The following ABHD2 variants were observed in gnomAD, a reference collection of about 807,000 sequenced individuals.
The protein encoded by ABHD2 is abhydrolase domain containing 2, acylglycerol lipase.
ABHD2 carries 20 observed loss-of-function variants against 48.1 expected under a neutral mutation model. The observed-to-expected ratio is 0.42, with a 90% CI of 0.29 to 0.60. ABHD2 has a LOEUF of 0.60. Ranked by LOEUF, ABHD2 falls within the 20% of genes least tolerant of loss-of-function variation. ABHD2 has a pLI of 0.24. For missense variants in ABHD2, 405 were observed against 550.9 expected, an observed-to-expected ratio of 0.74 and a Z score of 2.65; for synonymous variants, 209 against 214.2, an observed-to-expected ratio of 0.98 and a Z score of 0.21.
At chr15:89,111,466 G>A (rs1329193852) in intron 1 of ABHD2, among the ~76,000 whole-genome samples, 1 of 152,200 alleles carries the variant, frequency 6.6e-6, no homozygotes, top group Non-Finnish European at 1.5e-5. Flanking sequence ...CCATTAAGTT[G>A]TCAAGAATTC....
chr15:89,083,483 C>T (rs867546173), upstream of ABHD2, among the ~76,000 whole-genome samples: 9 of 152,084 alleles, frequency 5.9e-5, no homozygotes, highest in African/African-American at 9.7e-5. The surrounding 1 kb of genome is among the most constrained non-coding windows in gnomAD (Gnocchi z 5.1). Context: ...TGTGTGTGCG[C>T]GCGTGCACGT....
intron 3 of ABHD2, among the ~76,000 whole-genome samples, chr15:89,129,907 A>G (rs1466012676): frequency 6.6e-6 from 1 of 152,342 alleles, no homozygotes; most frequent in South Asian, 2.1e-4. Flanking sequence ...ATTATCAGCT[A>G]GATCAGTTGT....
At chr15:89,043,178 G>C in the ABHD2 span, among the ~76,000 whole-genome samples, 2 of 152,338 alleles carry the variant, frequency 1.3e-5, no homozygotes, top group African/African-American at 2.4e-5. Context: ...ACAGACAGAA[G>C]TAAGACATAC....
At position 89,185,332 on chromosome 15, in the gene ABHD2, A is replaced by G. The variant is rs761234656; in HGVS notation, c.723-92A>G. On this transcript the variant is annotated intron_variant, in intron 6 of 10. Transcript: ENST00000352732. This position sits in a 1 kb window ranked among gnomAD's most constrained non-coding sequence, Gnocchi z 5.9. ...CAGCCTGAGAGCCGGCCCTCTCCAC[A>G]CAAGCACCTCACCCCATGGCTAGAG... is the stretch of plus-strand genomic sequence containing the variant. 1.3e-4 allele frequency: 123 copies of G among 945,732 alleles called. No homozygotes were observed. The highest frequency in any genetic ancestry group is 1.9e-4 in the Non-Finnish European group (112 of 599,144). 58.6% of individuals were successfully genotyped at this position (945,732 alleles called of 1,614,324 possible).
At chr15:89,183,743 C>G (rs1462866145) in intron 6 of ABHD2, among the ~76,000 whole-genome samples, 1 of 152,170 alleles carries the variant, frequency 6.6e-6, no homozygotes, top group Non-Finnish European at 1.5e-5. Flanking sequence ...CCTCCCTTCC[C>G]TACCTCTGCA....
rs751525960 is a variant in ABHD2, at chr15:89,155,881, C to T, written c.538+347C>T. Among the ~76,000 whole-genome samples, 4 of 152,102 alleles carry T rather than the reference C, an allele frequency of 2.6e-5. No individual in the cohort carries two copies. The highest frequency in any genetic ancestry group is 1.3e-4 in the Admixed American group (2 of 15,268). On this transcript the variant is annotated intron_variant, in intron 5 of 10. Transcript: ENST00000352732. This position sits in a 1 kb window ranked among gnomAD's most constrained non-coding sequence, Gnocchi z 4.9. ...TTCAGGACTGTGCTGTTCTGATGCT[C>T]GTTCCTCAGGACTCTTGTGACTGAC...
Position 89,091,102 on chromosome 15 carries a change from G to A in ABHD2, c.-107+2539G>A, listed in dbSNP as rs145933512. Among the ~76,000 whole-genome samples the A allele has an allele frequency of 6.6e-6, 1 of 152,292 alleles. No individual in the cohort carries two copies. The highest frequency in any genetic ancestry group is 1.9e-4 in the East Asian group (1 of 5,190). On this transcript the variant is annotated intron_variant, in intron 1 of 10. Transcript: ENST00000352732. This position sits in a 1 kb window ranked among gnomAD's most constrained non-coding sequence, Gnocchi z 5.5. ...GGTCTTTTTCCTCTCATTTTAGTCA[G>A]GGTCGTTCACTTTTTTCCCTTTTTA...
chr15:89,137,111 C>CT lies in ABHD2; in HGVS notation c.195-14565dup, dbSNP rs2050327220. Among the ~76,000 whole-genome samples, 4 of 152,294 alleles carry CT rather than the reference C, an allele frequency of 2.6e-5. 1 individual carries two copies. In the South Asian group the frequency reaches 8.3e-4, roughly 32 times the overall value. On this transcript the variant is annotated intron_variant, in intron 3 of 10. Transcript: ENST00000352732. This position sits in a 1 kb window ranked among gnomAD's most constrained non-coding sequence, Gnocchi z 4.8. Reference sequence around the variant, plus strand: ...ACTGGCTGTTTGCAGGACCAGTTCTCTAACGGATCCAGGGTTCCAGTGGAA... The same window carrying CT: ...ACTGGCTGTTTGCAGGACCAGTTCTCTTAACGGATCCAGGGTTCCAGTGGAA...
At position 89,195,905 on chromosome 15, in the gene ABHD2, C is replaced by A. The variant is rs1318905286; in HGVS notation, c.*482C>A. 1 of 152,836 alleles carries A rather than the reference C, an allele frequency of 6.5e-6. No homozygotes were observed. Among genetic ancestry groups the A allele is most frequent in the East Asian group, 1.9e-4 (1 of 5,194 alleles). The allele number at this position is 152,836 out of a possible 1,614,324, so 9.5% of individuals were successfully genotyped here. On this transcript the variant is annotated 3_prime_UTR_variant, in exon 11 of 11. Coordinates refer to ENST00000352732, the MANE Select transcript of ABHD2 (RefSeq NM_152924.5). This position sits in a 1 kb window ranked among gnomAD's most constrained non-coding sequence, Gnocchi z 5.1. ...AGCTCCGCTTGGGAGCCTGAGAACC[C>A]AGGCTTCCCAGGCCAGAGTGTGGCT...
the ABHD2 span, among the ~76,000 whole-genome samples, chr15:89,058,086 T>C: frequency 5.3e-5 from 8 of 152,300 alleles, no homozygotes; most frequent in African/African-American, 1.9e-4. Flanking sequence ...TGATAAACCC[T>C]TAAATGAAGT....
the ABHD2 span, among the ~76,000 whole-genome samples, chr15:89,042,722 C>T: frequency 6.6e-6 from 1 of 151,934 alleles, no homozygotes; most frequent in Non-Finnish European, 1.5e-5. Context: ...TCTTGGCTCA[C>T]TCTAGCCTCT....
chr15:89,049,515 A>C, the ABHD2 span, among the ~76,000 whole-genome samples: 14 of 152,224 alleles, frequency 9.2e-5, no homozygotes, highest in African/African-American at 3.4e-4. Context: ...GTTTGATCTC[A>C]GACTGCTGTG....
At chr15:89,135,248 C>G (rs2050288128) in intron 3 of ABHD2, among the ~76,000 whole-genome samples, 2 of 150,206 alleles carry the variant, frequency 1.3e-5, no homozygotes, top group African/African-American at 4.9e-5. Flanking sequence ...CTACCATCCC[C>G]ATATATAACT....
At chr15:89,118,667 A>G (rs191658462) in intron 3 of ABHD2, among the ~76,000 whole-genome samples, 10 of 152,282 alleles carry the variant, frequency 6.6e-5, no homozygotes, top group East Asian at 5.8e-4. Context: ...TCCACCCAGC[A>G]TTGGTTCCTG....
At chr15:89,142,991 G>A (rs2050429750) in intron 3 of ABHD2, among the ~76,000 whole-genome samples, 2 of 152,088 alleles carry the variant, frequency 1.3e-5, no homozygotes, top group African/African-American at 2.4e-5. Context: ...GAGCCAATTC[G>A]ATTCCATGAT....
intron 1 of ABHD2, among the ~76,000 whole-genome samples, chr15:89,109,006 A>G (rs1173118960): frequency 6.6e-6 from 1 of 152,226 alleles, no homozygotes; most frequent in Non-Finnish European, 1.5e-5. Context: ...TTAGGGCCCA[A>G]AAAGATTAAG....
At chr15:89,115,976 C>A (rs2049953814) in intron 2 of ABHD2, among the ~76,000 whole-genome samples, 1 of 152,234 alleles carries the variant, frequency 6.6e-6, no homozygotes, top group African/African-American at 2.4e-5. Flanking sequence ...AGTCCTGCAG[C>A]CACCTCTTCG....
At chr15:89,190,727 G>A (rs2051289785) in intron 8 of ABHD2, among the ~76,000 whole-genome samples, 1 of 152,204 alleles carries the variant, frequency 6.6e-6, no homozygotes. Flanking sequence ...GGAAGGCCCT[G>A]TCTTCAGATT....
At chr15:89,101,997 G>A (rs1423539835) in intron 1 of ABHD2, among the ~76,000 whole-genome samples, 1 of 152,174 alleles carries the variant, frequency 6.6e-6, no homozygotes, top group Non-Finnish European at 1.5e-5. Flanking sequence ...CAGCACCTGT[G>A]TAGCGTCATT....
Sources: allele counts gnomAD v4.1 joint callset (sites outside exome capture counted in the v4.1 genomes callset), GRCh38; gene constraint gnomAD v4.1.1; non-coding constraint Gnocchi (gnomAD v3.1); transcripts MANE v1.5; gene names NCBI Gene and HGNC (gene_info 2026-07-23, HGNC 2026-07-21).